Variants in ADAMTSL2 observed in about 807,000 individuals in gnomAD.
The protein encoded by ADAMTSL2 is ADAMTS like 2, also known as ADAMTS-like protein 2.
Under a neutral mutation model 117.0 loss-of-function variants are expected in ADAMTSL2, and 55 were observed. That is an observed-to-expected ratio of 0.47 (90% CI 0.38 to 0.59). The LOEUF (loss-of-function observed/expected upper bound fraction) is 0.59, where lower values mean the gene tolerates loss of function less well. Among genes scored for constraint, ADAMTSL2 ranks in the 20% least tolerant of loss-of-function variants. The pLI, the probability that ADAMTSL2 is intolerant of heterozygous loss-of-function variation, is 0.00. For missense variants in ADAMTSL2, 1,182 were observed against 1,354.5 expected (o/e 0.87, Z 2.00); for synonymous variants, 572 against 566.4 (o/e 1.01, Z -0.14).
At chr9:133,562,085 T>C (rs1452689073) in intron 12 of ADAMTSL2, among the ~76,000 whole-genome samples, 2 of 152,232 alleles carry the variant, frequency 1.3e-5, no homozygotes, top group Non-Finnish European at 2.9e-5. Flanking sequence ...CAGCTGGCCC[T>C]CAAAAGGTTT....
chr9:133,569,613 G>A (rs1831058240), intron 16 of ADAMTSL2, 35 bp downstream of exon 16: 1 of 1,549,866 alleles, frequency 6.5e-7, no homozygotes, highest in African/African-American at 1.4e-5. Flanking sequence ...GGGCCTCCTG[G>A]TATCTGGAGA....
intron 12 of ADAMTSL2, among the ~76,000 whole-genome samples, chr9:133,562,699 G>A (rs1256500045): frequency 6.9e-5 from 10 of 145,336 alleles, no homozygotes; most frequent in Non-Finnish European, 1.5e-4. Context: ...GGGCGGCGTG[G>A]TGGGCACCCG....
At chr9:133,564,101 A>G (rs1830842785) in intron 12 of ADAMTSL2, among the ~76,000 whole-genome samples, 2 of 54,734 alleles carry the variant, frequency 3.7e-5, no homozygotes, top group Non-Finnish European at 7.3e-5. Flanking sequence ...AGGGAGAGAG[A>G]GAGAGAGAGA....
chr9:133,567,169 G>A (rs1830994174), intron 13 of ADAMTSL2, 107 bp downstream of exon 13: 2 of 1,416,766 alleles, frequency 1.4e-6, no homozygotes, highest in Non-Finnish European at 1.9e-6. Flanking sequence ...TTCTTCGTGT[G>A]CAGGGCCGTG....
At chr9:133,538,298 T>C in intron 3 of ADAMTSL2, 51 bp from the exon 4 acceptor site, 1 of 1,609,026 alleles carries the variant, frequency 6.2e-7, no homozygotes, top group East Asian at 2.2e-5. Flanking sequence ...CCAGGCGACA[T>C]TCCTGAAACT....
chr9:133,536,331 C>T (rs372421244), intron 1 of ADAMTSL2, among the ~76,000 whole-genome samples: 7 of 152,348 alleles, frequency 4.6e-5, no homozygotes, highest in African/African-American at 1.7e-4. Context: ...CCGCCTGGGT[C>T]CCCAGCCCCC....
chr9:133,547,111 C>T lies in ADAMTSL2; in HGVS notation c.837C>T (p.Ile279=), dbSNP rs561509707. 10 of 1,613,890 alleles carry T rather than the reference C, an allele frequency of 6.2e-6. No individual in the cohort carries two copies. In the East Asian group the frequency reaches 1.1e-4, roughly 18 times the overall value. Residue 279 remains isoleucine, a synonymous_variant, in exon 9 of 19, where the codon ATC becomes ATT. Coordinates refer to ENST00000651351, the MANE Select transcript of ADAMTSL2 (RefSeq NM_014694.4). Reference sequence around the variant, plus strand: ...TGGACAGCCCCAAGAACTTCAACATCGCAGGCACGGTGGTCAAGTACAGGC... The same window carrying T: ...TGGACAGCCCCAAGAACTTCAACATTGCAGGCACGGTGGTCAAGTACAGGC... ...YKVDSPKNFN[I]AGTVVKYRRP...
At chr9:133,571,332 C>A (rs1831101595) in intron 17 of ADAMTSL2, among the ~76,000 whole-genome samples, 1 of 152,164 alleles carries the variant, frequency 6.6e-6, no homozygotes, top group Non-Finnish European at 1.5e-5. Context: ...AGAGTGAAAC[C>A]CAGGTGGGGT....
At chr9:133,533,412 G>T (rs2131080770), upstream of ADAMTSL2, among the ~76,000 whole-genome samples, 1 of 152,274 alleles carries the variant, frequency 6.6e-6, no homozygotes, top group African/African-American at 2.4e-5. Flanking sequence ...TAAACAACCC[G>T]GCAGAGGAGA....
chr9:133,571,325 G>A (rs2131186826), intron 17 of ADAMTSL2, among the ~76,000 whole-genome samples: 1 of 152,210 alleles, frequency 6.6e-6, no homozygotes, highest in East Asian at 1.9e-4. Context: ...TGGCACTAGA[G>A]TGAAACCCAG....
intron 2 of ADAMTSL2, 98 bp from the exon 3 acceptor site, chr9:133,537,307 G>A: frequency 8.0e-7 from 1 of 1,257,494 alleles, no homozygotes; most frequent in Non-Finnish European, 1.0e-6. Flanking sequence ...TGTGTCTTCT[G>A]GTCCCGCTGA....
At chr9:133,542,561 C>G (rs1255518632) in intron 7 of ADAMTSL2, among the ~76,000 whole-genome samples, 2 of 152,202 alleles carry the variant, frequency 1.3e-5, no homozygotes, top group East Asian at 3.8e-4. Context: ...CAAACAGCGC[C>G]CCTCATTCTT....
At position 133,555,639 on chromosome 9, in the gene ADAMTSL2, T is replaced by C. The variant is rs984320239; in HGVS notation, c.1358T>C (p.Phe453Ser). 46 of 1,613,632 alleles carry C rather than the reference T, an allele frequency of 2.9e-5. No homozygotes were observed. The highest frequency in any genetic ancestry group is 3.7e-5 in the Non-Finnish European group (44 of 1,180,004). ...VDTHFASQEF[F>S]SANAISDQLL... ...ACCCACTTCGCCTCCCAGGAGTTCT[T>C]CTCGGCTAACGCCATCTCTGACCAG... The change falls in exon 11 of 19, where the codon TTC (phenylalanine) becomes TCC (serine). Residue 453 changes from phenylalanine (F) to serine (S), a missense_variant. This residue lies in a region of ADAMTSL2 where 345 missense variants were observed against 325.8 expected (regional missense o/e 1.06). Coordinates refer to ENST00000651351, the MANE Select transcript of ADAMTSL2 (RefSeq NM_014694.4).
intron 12 of ADAMTSL2, among the ~76,000 whole-genome samples, chr9:133,562,522 G>A (rs1311690960): frequency 7.3e-6 from 1 of 137,688 alleles, no homozygotes; most frequent in Admixed American, 7.0e-5. Context: ...GCGGCGTGGC[G>A]GGCACCCGGC....
rs879025564 is a variant in ADAMTSL2, at chr9:133,568,929, G to A, written c.2244+171G>A. Among the ~76,000 whole-genome samples the A allele has an allele frequency of 3.3e-5, 5 of 152,230 alleles. 1 individual carries two copies. The South Asian group carries it at 8.3e-4, about 25-fold the overall frequency. ...GGAATCAAAACTTCTCTCCAAACAC[G>A]TGGCCAGCATCACCTTCCCTCTATC... On this transcript the variant is annotated intron_variant, in intron 15 of 18. Transcript: ENST00000651351.
At chr9:133,565,410 G>A (rs1024306863) in intron 12 of ADAMTSL2, among the ~76,000 whole-genome samples, 11 of 152,248 alleles carry the variant, frequency 7.2e-5, no homozygotes, top group Admixed American at 3.3e-4. Context: ...GACGAGGAGC[G>A]AATGAATAAC....
At chr9:133,564,619 AGAGAGG>A (rs1830908827) in intron 12 of ADAMTSL2, among the ~76,000 whole-genome samples, 1 of 42,542 alleles carries the variant, frequency 2.4e-5, no homozygotes, top group African/African-American at 1.0e-4. Flanking sequence ...AGAGAGAGAG[AGAGAGG>A]GAGAGAGAGA....
intron 12 of ADAMTSL2, among the ~76,000 whole-genome samples, chr9:133,565,697 G>A (rs1163398500): frequency 1.3e-5 from 2 of 152,234 alleles, no homozygotes; most frequent in African/African-American, 2.4e-5. Flanking sequence ...GGCAGGAGCC[G>A]CTGGCCTGCA....
chr9:133,560,739 A>G (rs961339704), intron 11 of ADAMTSL2, among the ~76,000 whole-genome samples: 4 of 152,194 alleles, frequency 2.6e-5, no homozygotes, highest in Non-Finnish European at 4.4e-5. Context: ...TCAGAGTCCC[A>G]GCTGGAGGAG....
Sources: allele counts gnomAD v4.1 joint callset (sites outside exome capture counted in the v4.1 genomes callset), GRCh38; gene constraint gnomAD v4.1.1; regional missense constraint gnomAD v4.1.1; transcripts MANE v1.5; gene names NCBI Gene and HGNC (gene_info 2026-07-23, HGNC 2026-07-21).